CENPC: variants seen among roughly 807,000 people sequenced by gnomAD.
CENPC encodes centromere protein C, also known as CENP-C 1.
CENPC carries 63 observed loss-of-function variants against 112.1 expected under a neutral mutation model. The ratio of observed to expected loss-of-function variants is 0.56; its 90% CI spans 0.46 to 0.69. The LOEUF (loss-of-function observed/expected upper bound fraction) is 0.69, where lower values mean the gene tolerates loss of function less well. CENPC is among the 30% of genes least tolerant of loss of function. The pLI is 0.00. For missense variants in CENPC, 1,000 were observed against 1,103.8 expected (o/e 0.91, Z 1.33); for synonymous variants, 333 against 367.6 (o/e 0.91, Z 1.08).
Position 67,514,704 on chromosome 4 carries a change from C to G in CENPC, c.831-17G>C. 1 of 1,564,804 alleles carries G rather than the reference C, an allele frequency of 6.4e-7. No homozygotes were observed. Among genetic ancestry groups the G allele is most frequent in the South Asian group, 1.2e-5 (1 of 83,632 alleles). On this transcript the variant is annotated splice_polypyrimidine_tract_variant and intron_variant, in intron 7 of 18. Coordinates refer to ENST00000273853, the MANE Select transcript of CENPC (RefSeq NM_001812.4). ...ACAATGGGACTGAAACAGGGTGATA[C>G]TTTTAACAGTTCAAAAAAATAAAGC...
chr4:67,530,909 C>T lies in CENPC; in HGVS notation c.237G>A (p.Gln79=). The T allele has an allele frequency of 6.4e-7, 1 of 1,562,122 alleles. No homozygotes were observed. Among genetic ancestry groups the T allele is most frequent in the East Asian group, 2.3e-5 (1 of 43,824 alleles). The change falls in exon 5 of 19, where the codon CAG becomes CAA. Residue 79 remains glutamine (Q), a synonymous_variant. Coordinates refer to ENST00000273853, the MANE Select transcript of CENPC (RefSeq NM_001812.4). The part of the protein sequence containing the change: ...TCIQSPSKEC[Q]KSHPKSVPVS... ...CTGGAACTGACTTTGGATGTGATTT[C>T]TGGCACTGAGCACAGAAGAAATACA...
intron 17 of CENPC, among the ~76,000 whole-genome samples, chr4:67,480,859 G>A (rs1275567327): frequency 6.6e-6 from 1 of 152,158 alleles, no homozygotes; most frequent in Non-Finnish European, 1.5e-5. Context: ...AGGAAAAGTT[G>A]AAAAGTTTCT....
rs184956079 is a variant in CENPC at position 67,521,965 on chromosome 4, T to C, written c.332-2463A>G. Among the ~76,000 whole-genome samples, 148 of 152,284 alleles carry C rather than the reference T, an allele frequency of 9.7e-4. 1 individual carries two copies. Among genetic ancestry groups the C allele is most frequent in the African/African-American group, 3.5e-3 (145 of 41,552 alleles). ...GAGATACTGTTTAATGGGTACAGTG[T>C]TTCAGTTGTGAAAAATGAAAGAAGT... On this transcript the variant is annotated intron_variant, in intron 5 of 18. Coordinates refer to ENST00000273853, the MANE Select transcript of CENPC (RefSeq NM_001812.4).
intron 9 of CENPC, 150 bp from the exon 10 acceptor site, chr4:67,509,255 C>CAT (rs1248681750): frequency 2.8e-5 from 13 of 469,722 alleles, no homozygotes; most frequent in Non-Finnish European, 3.7e-5. Context: ...CACACACACA[C>CAT]ATCTCAGGCT....
intron 17 of CENPC, among the ~76,000 whole-genome samples, chr4:67,477,884 G>A (rs1724847787): frequency 6.6e-6 from 1 of 151,578 alleles, no homozygotes; most frequent in African/African-American, 2.4e-5. Context: ...AGAAATGAAA[G>A]GCATACTTAG....
Position 67,516,986 on chromosome 4 carries a change from A to T in CENPC, c.830+1170T>A, listed in dbSNP as rs964692769. Among the ~76,000 whole-genome samples, 13 of 152,048 alleles carry T rather than the reference A, an allele frequency of 8.5e-5. 1 individual carries two copies. The highest frequency in any genetic ancestry group is 2.9e-4 in the African/African-American group (12 of 41,284). ...AGAGTATCAAAAAGAACATTAAAAA[A>T]TAATTTCTCAGACATTATATAATTA... On this transcript the variant is annotated intron_variant, in intron 7 of 18. Transcript: ENST00000273853.
intron 8 of CENPC, 149 bp downstream of exon 8, chr4:67,513,924 TA>T: frequency 5.1e-6 from 3 of 583,618 alleles, no homozygotes; most frequent in Non-Finnish European, 5.4e-6. Context: ...ATATATAAAA[TA>T]AAAAGGTTCT....
chr4:67,490,989 TTTCAG>T (rs1725243937), intron 16 of CENPC, among the ~76,000 whole-genome samples: 1 of 150,212 alleles, frequency 6.7e-6, no homozygotes, highest in Non-Finnish European at 1.5e-5. Flanking sequence ...ACAGCAATGC[TTTCAG>T]TTAAGACACT....
chr4:67,509,170 C>T, intron 9 of CENPC, 65 bp from the exon 10 acceptor site: 1 of 1,079,840 alleles, frequency 9.3e-7, no homozygotes, highest in Non-Finnish European at 1.3e-6. Flanking sequence ...CACTGAAATA[C>T]CAACAGCATT....
In CENPC at chr4:67,495,182, T is replaced by C; in HGVS notation, c.2162A>G (p.Lys721Arg). 1 of 1,532,818 alleles carries C rather than the reference T, an allele frequency of 6.5e-7. No individual in the cohort carries two copies. The highest frequency in any genetic ancestry group is 8.8e-7 in the Non-Finnish European group (1 of 1,141,110). The allele number at this position is 1,532,818 out of a possible 1,614,324, so 95.0% of individuals were successfully genotyped here. ...DDSKQSKVIPKNRIHHKLVLP... is the reference protein window; with the variant it reads ...DDSKQSKVIPRNRIHHKLVLP... ...ACCTAGTTTGTGATGGATTCTGTTCTTTGGTATCACTTTAGATTGTTTTGA... is the reference window on the plus strand; with the variant it reads ...ACCTAGTTTGTGATGGATTCTGTTCCTTGGTATCACTTTAGATTGTTTTGA... Residue 721 changes from lysine (K) to arginine (R), a missense_variant, in exon 13 of 19, where the codon AAG becomes AGG. Lys to Arg is a conservative substitution (Grantham distance 26). Coordinates refer to ENST00000273853, the MANE Select transcript of CENPC (RefSeq NM_001812.4).
intron 16 of CENPC, among the ~76,000 whole-genome samples, chr4:67,491,332 C>T (rs1399820752): frequency 6.6e-6 from 1 of 150,508 alleles, no homozygotes; most frequent in Non-Finnish European, 1.5e-5. Context: ...CACCACCACG[C>T]CCAGCTACCA....
At chr4:67,486,981 T>C (rs1199436627) in intron 17 of CENPC, among the ~76,000 whole-genome samples, 1 of 150,590 alleles carries the variant, frequency 6.6e-6, no homozygotes, top group Non-Finnish European at 1.5e-5. Flanking sequence ...TTTTTTTTTT[T>C]TTTTCTTTTT....
chr4:67,509,236 A>T (rs2109798252), intron 9 of CENPC, 131 bp from the exon 10 acceptor site: 1 of 600,550 alleles, frequency 1.7e-6, no homozygotes. Flanking sequence ...ACACACACAC[A>T]CACACACACA....
At position 67,503,713 on chromosome 4, in the gene CENPC, C is replaced by G. The variant is rs78933763; in HGVS notation, c.2131+1492G>C. Among the ~76,000 whole-genome samples the G allele has an allele frequency of 3.6e-3, 545 of 152,146 alleles. 2 individuals are homozygous for G. The highest frequency in any genetic ancestry group is 0.012 in the African/African-American group (516 of 41,518). On this transcript the variant is annotated intron_variant, in intron 12 of 18. Coordinates refer to ENST00000273853, the MANE Select transcript of CENPC (RefSeq NM_001812.4). Reference sequence around the variant, plus strand: ...TGGATATATATCTTTAAATCCATATCTGTATACAAATTATTCCCTTTTTCA... The same window carrying G: ...TGGATATATATCTTTAAATCCATATGTGTATACAAATTATTCCCTTTTTCA...
intron 12 of CENPC, among the ~76,000 whole-genome samples, chr4:67,496,579 G>C (rs1344271559): frequency 1.3e-5 from 2 of 152,086 alleles, no homozygotes; most frequent in Non-Finnish European, 2.9e-5. Flanking sequence ...AAATTGTTAA[G>C]AATGATTGAA....
intron 4 of CENPC, among the ~76,000 whole-genome samples, 193 bp downstream of exon 4, chr4:67,539,647 A>G (rs375253521): frequency 7.9e-5 from 12 of 152,146 alleles, no homozygotes; most frequent in African/African-American, 2.7e-4. Flanking sequence ...AATTCCCATA[A>G]TCCCAATTCC....
chr4:67,514,150 T>C lies in CENPC; in HGVS notation c.1368A>G (p.Arg456=). 6.2e-7 allele frequency: 1 copy of C among 1,611,138 alleles called. No homozygotes were observed. The highest frequency in any genetic ancestry group is 8.5e-7 in the Non-Finnish European group (1 of 1,178,784). Residue 456 remains arginine (R), a synonymous_variant, in exon 8 of 19, where the codon AGA becomes AGG. Coordinates refer to ENST00000273853, the MANE Select transcript of CENPC (RefSeq NM_001812.4). ...GCTCTTCCATATTTCTGTCTGAATT[T>C]CTTTGAAATTCGTCTTGGGTAATAT... ...TSHITQDEFQ[R]NSDRNMEEHE...
chr4:67,484,257 C>T (rs1457108232), intron 17 of CENPC, among the ~76,000 whole-genome samples: 1 of 152,216 alleles, frequency 6.6e-6, no homozygotes, highest in African/African-American at 2.4e-5. Flanking sequence ...GGGTATCATC[C>T]TATATAGCCT....
Position 67,472,620 on chromosome 4 carries a change from A to G in CENPC, c.2817T>C (p.Thr939=). 1 of 1,513,922 alleles carries G rather than the reference A, an allele frequency of 6.6e-7. No homozygotes were observed. Among genetic ancestry groups the G allele is most frequent in the South Asian group, 1.3e-5 (1 of 75,510 alleles). 93.8% of individuals were successfully genotyped at this position (1,513,922 alleles called of 1,614,324 possible). Residue 939 remains threonine, a synonymous_variant, in exon 19 of 19, where the codon ACT becomes ACC. Coordinates refer to ENST00000273853, the MANE Select transcript of CENPC (RefSeq NM_001812.4). ...LRNEESVLLF[T]QIKR ...GGTTGATCTTTCATCTTTTTATCTG[A>G]GTAAAAAGAAGAACACTTTCCTCAT...
Sources: gnomAD v4.1 joint callset for allele counts (sites outside exome capture counted in the v4.1 genomes callset) on GRCh38, gnomAD v4.1.1 for gene constraint, MANE v1.5 for transcripts, NCBI Gene and HGNC (gene_info 2026-07-23, HGNC 2026-07-21) for gene names.